The following CLYBL variants were observed in gnomAD, a reference collection of about 807,000 sequenced individuals.
The protein encoded by CLYBL is citramalyl-CoA lyase, mitochondrial.
CLYBL carries 31 observed loss-of-function variants against 38.9 expected under a neutral mutation model. The ratio of observed to expected loss-of-function variants is 0.80; its 90% confidence interval spans 0.60 to 1.08. The LOEUF is 1.08. CLYBL is among the 50% of genes least tolerant of loss of function. The pLI, the probability that CLYBL is intolerant of heterozygous loss-of-function variation, is 0.00. For missense variants in CLYBL, 434 were observed against 411.6 expected (o/e 1.05, Z -0.47); for synonymous variants, 171 against 158.6 (o/e 1.08, Z -0.59).
At chr13:99,878,039 G>A (rs776331269) in intron 7 of CLYBL, among the ~76,000 whole-genome samples, 3 of 151,966 alleles carry the variant, frequency 2.0e-5, no homozygotes, top group Non-Finnish European at 4.4e-5. Context: ...ACCGTAGCAC[G>A]CACCTCCCTG....
At chr13:99,660,226 G>A (rs956990041) in intron 1 of CLYBL, among the ~76,000 whole-genome samples, 1 of 152,218 alleles carries the variant, frequency 6.6e-6, no homozygotes, top group African/African-American at 2.4e-5. Flanking sequence ...TGAAATGTGT[G>A]TATCTAAAAC....
chr13:99,670,632 CT>C (rs1335897858), intron 1 of CLYBL, among the ~76,000 whole-genome samples: 1 of 152,174 alleles, frequency 6.6e-6, no homozygotes, highest in African/African-American at 2.4e-5. Context: ...CAATTACTGA[CT>C]TTTTTCAGTT....
chr13:99,650,847 C>T (rs1188429358), intron 1 of CLYBL, among the ~76,000 whole-genome samples: 1 of 152,194 alleles, frequency 6.6e-6, no homozygotes, highest in South Asian at 2.1e-4. Flanking sequence ...CAGTCACTCT[C>T]AACACTGAGG....
chr13:99,715,604 C>G (rs1023698038), intron 1 of CLYBL, among the ~76,000 whole-genome samples: 1 of 151,896 alleles, frequency 6.6e-6, no homozygotes, highest in African/African-American at 2.4e-5. Context: ...AAGGAATCCA[C>G]CCGCCTTGGC....
chr13:99,839,921 A>AT lies in CLYBL; in HGVS notation c.250-18931dup, dbSNP rs1209648545. 4.6e-5 allele frequency among the ~76,000 whole-genome samples: 7 copies of AT among 150,590 alleles called. 1 individual carries two copies. The highest frequency in any genetic ancestry group is 6.8e-3 in the Middle Eastern group (2 of 294). On this transcript the variant is annotated intron_variant, in intron 2 of 8. Transcript: ENST00000339105. Reference sequence around the variant, plus strand: ...CAAATACTTGGTCTTATTCATTCATATTTTTTTTTGTACTCATTAACCAAC... The same window carrying AT: ...CAAATACTTGGTCTTATTCATTCATATTTTTTTTTTGTACTCATTAACCAAC...
At position 99,828,834 on chromosome 13, in the gene CLYBL, T is replaced by C. The variant is rs545798633; in HGVS notation, c.250-30027T>C. 4.6e-5 allele frequency among the ~76,000 whole-genome samples: 7 copies of C among 152,298 alleles called. No individual in the cohort carries two copies. The East Asian group carries it at 1.2e-3, about 25-fold the overall frequency. On this transcript the variant is annotated intron_variant, in intron 2 of 8. Coordinates refer to ENST00000339105, the MANE Select transcript of CLYBL (RefSeq NM_206808.5). Reference sequence around the variant, plus strand: ...TATTTCACTGTGAGCCTTGCAAATATGGAGGGCGGCAGAGGTGCCAGGCTC... The same window carrying C: ...TATTTCACTGTGAGCCTTGCAAATACGGAGGGCGGCAGAGGTGCCAGGCTC...
intron 2 of CLYBL, among the ~76,000 whole-genome samples, chr13:99,795,526 T>C (rs2050003994): frequency 6.6e-6 from 1 of 151,994 alleles, no homozygotes; most frequent in African/African-American, 2.4e-5. Context: ...TGGTGGCATG[T>C]GCTTGTGGTC....
chr13:99,835,558 A>T (rs572909414), intron 2 of CLYBL, among the ~76,000 whole-genome samples: 9 of 152,324 alleles, frequency 5.9e-5, no homozygotes, highest in African/African-American at 1.9e-4. Context: ...AGGCTTTAAG[A>T]AGTGCCAAAA....
intron 1 of CLYBL, among the ~76,000 whole-genome samples, chr13:99,715,807 G>C (rs921029901): frequency 6.6e-6 from 1 of 152,082 alleles, no homozygotes; most frequent in African/African-American, 2.4e-5. Flanking sequence ...AGGTCCCGGG[G>C]CTGCAGGAAG....
intron 2 of CLYBL, among the ~76,000 whole-genome samples, chr13:99,787,919 C>T (rs2049832904): frequency 2.6e-5 from 4 of 152,268 alleles, no homozygotes; most frequent in African/African-American, 9.6e-5. Context: ...CTTCACTTCC[C>T]TTGTAAGTTG....
chr13:99,723,056 C>G (rs1046346242), intron 1 of CLYBL, among the ~76,000 whole-genome samples: 1 of 152,248 alleles, frequency 6.6e-6, no homozygotes, highest in African/African-American at 2.4e-5. Context: ...TCAATTACAG[C>G]GTTTATCCAT....
At chr13:99,759,131 T>C (rs1185248825) in intron 1 of CLYBL, among the ~76,000 whole-genome samples, 1 of 152,240 alleles carries the variant, frequency 6.6e-6, no homozygotes, top group Non-Finnish European at 1.5e-5. Flanking sequence ...CCTTGTGTGC[T>C]AGTGGAGGCC....
chr13:99,732,495 TTTTC>T (rs2048608928), intron 1 of CLYBL, among the ~76,000 whole-genome samples: 1 of 152,166 alleles, frequency 6.6e-6, no homozygotes, highest in South Asian at 2.1e-4. Flanking sequence ...TAAAGGTGTT[TTTTC>T]TTTCTTTGGT....
chr13:99,833,758 C>A (rs535786735), intron 2 of CLYBL, among the ~76,000 whole-genome samples: 2 of 135,450 alleles, frequency 1.5e-5, no homozygotes, highest in South Asian at 5.1e-4. Context: ...GGCGCAATCT[C>A]GGCTCACTGC....
chr13:99,815,385 C>A (rs961758777), intron 2 of CLYBL, among the ~76,000 whole-genome samples: 1 of 152,046 alleles, frequency 6.6e-6, no homozygotes, highest in African/African-American at 2.4e-5. Flanking sequence ...TAGCGAGACT[C>A]CATCTCTACC....
At chr13:99,713,891 G>A (rs576384862) in intron 1 of CLYBL, among the ~76,000 whole-genome samples, 1 of 152,186 alleles carries the variant, frequency 6.6e-6, no homozygotes, top group African/African-American at 2.4e-5. Flanking sequence ...GTTTCGCTAT[G>A]TGCCCAGGTT....
chr13:99,786,368 C>T (rs1279018758), intron 2 of CLYBL, among the ~76,000 whole-genome samples: 1 of 152,080 alleles, frequency 6.6e-6, no homozygotes, highest in Non-Finnish European at 1.5e-5. Context: ...CCCCCAACCC[C>T]ACAACAGACC....
chr13:99,700,720 G>A (rs1276381357), intron 1 of CLYBL, among the ~76,000 whole-genome samples: 1 of 152,170 alleles, frequency 6.6e-6, no homozygotes, highest in African/African-American at 2.4e-5. Context: ...GAGTGGGCCA[G>A]TCTTCAGAGA....
At chr13:99,882,299 T>C (rs1401373768) in intron 7 of CLYBL, among the ~76,000 whole-genome samples, 2 of 152,108 alleles carry the variant, frequency 1.3e-5, no homozygotes, top group Non-Finnish European at 2.9e-5. Flanking sequence ...CTGAACCCCA[T>C]TGTTTGCACC....
Sources: allele counts gnomAD v4.1 joint callset (sites outside exome capture counted in the v4.1 genomes callset), GRCh38; gene constraint gnomAD v4.1.1; transcripts MANE v1.5; gene names NCBI Gene and HGNC (gene_info 2026-07-23, HGNC 2026-07-21).